Variants in RORA observed in about 807,000 individuals in gnomAD.
RORA encodes nuclear receptor ROR-alpha.
RORA carries 7 observed loss-of-function variants against 69.5 expected under a neutral mutation model. The observed-to-expected ratio is 0.10, with a 90% CI of 0.06 to 0.19. RORA has a LOEUF of 0.19. RORA is among the 10% of genes least tolerant of loss of function. RORA has a pLI of 1.00. For missense variants in RORA, 457 were observed against 663.0 expected (o/e 0.69, Z 3.41); for synonymous variants, 261 against 240.8 (o/e 1.08, Z -0.78).
chr15:60,657,341 AC>A (rs1371598919), intron 2 of RORA, among the ~76,000 whole-genome samples: 4 of 150,440 alleles, frequency 2.7e-5, no homozygotes, highest in Non-Finnish European at 4.4e-5. Context: ...CCCCTGCCCC[AC>A]CCCCTGGGGA....
chr15:61,071,523 GA>G (rs2078357767), intron 1 of RORA, among the ~76,000 whole-genome samples: 1 of 18,658 alleles, frequency 5.4e-5, no homozygotes, highest in Non-Finnish European at 1.0e-4. Flanking sequence ...GAAGGGAGGG[GA>G]GGGGGAAGCG....
intron 1 of RORA, among the ~76,000 whole-genome samples, chr15:60,927,380 G>A (rs1008314884): frequency 6.6e-6 from 1 of 152,216 alleles, no homozygotes; most frequent in African/African-American, 2.4e-5. Context: ...AGTAGCTGAT[G>A]AACATTCCAA....
chr15:61,053,983 A>G (rs935341860), intron 1 of RORA, among the ~76,000 whole-genome samples: 1 of 151,590 alleles, frequency 6.6e-6, no homozygotes, highest in African/African-American at 2.4e-5. Context: ...TTGAAAAAGG[A>G]ATCCTTTCAA....
At chr15:60,896,375 AC>A (rs1891231855) in intron 1 of RORA, among the ~76,000 whole-genome samples, 2 of 152,054 alleles carry the variant, frequency 1.3e-5, no homozygotes, top group Non-Finnish European at 1.5e-5. Context: ...CATTGATTTT[AC>A]CCCCCTTGGT....
intron 2 of RORA, among the ~76,000 whole-genome samples, chr15:60,625,278 T>C (rs1201554494): frequency 6.6e-6 from 1 of 152,196 alleles, no homozygotes; most frequent in Non-Finnish European, 1.5e-5. Context: ...CAAATCTTTT[T>C]TTTTGTTTTG....
At chr15:60,717,801 T>TC (rs1440466843) in intron 1 of RORA, among the ~76,000 whole-genome samples, 1 of 142,852 alleles carries the variant, frequency 7.0e-6, no homozygotes, top group African/African-American at 2.6e-5. Context: ...TTTCTCTTTT[T>TC]TTTTTTTTTT....
At chr15:60,692,637 A>C (rs374799841) in intron 1 of RORA, among the ~76,000 whole-genome samples, 1 of 152,240 alleles carries the variant, frequency 6.6e-6, no homozygotes, top group Non-Finnish European at 1.5e-5. Context: ...AGATAAAGCA[A>C]GTGTGACAAA....
chr15:60,964,378 A>G (rs1335463948), intron 1 of RORA, among the ~76,000 whole-genome samples: 2 of 152,166 alleles, frequency 1.3e-5, no homozygotes, highest in African/African-American at 2.4e-5. Flanking sequence ...GGATTCGGGT[A>G]TGGCTGGTGG....
In RORA at chr15:60,889,582, C is replaced by G. The variant is rs1595795435; in HGVS notation, c.167-210896G>C. ...GAGCGACAGTTGGAGAGAAGAGCAT[C>G]AGAGGCCTCGTGGTAAACCCAAATG... On this transcript the variant is annotated intron_variant, in intron 1 of 10. Coordinates refer to ENST00000335670, the MANE Select transcript of RORA (RefSeq NM_134261.3). 3.3e-5 allele frequency among the ~76,000 whole-genome samples: 5 copies of G among 152,322 alleles called. No homozygotes were observed. The South Asian group carries it at 1.0e-3, about 32-fold the overall frequency.
chr15:61,127,667 G>T (rs1432008992), intron 1 of RORA, among the ~76,000 whole-genome samples: 1 of 152,156 alleles, frequency 6.6e-6, no homozygotes, highest in Non-Finnish European at 1.5e-5. Context: ...TGTGCTGCTG[G>T]CATTTAAGTT....
At chr15:60,866,006 T>TCAAAGGG (rs11281937) in intron 1 of RORA, among the ~76,000 whole-genome samples, 54,881 of 151,892 alleles carry the variant, frequency 0.36, 10,161 homozygotes, top group South Asian at 0.39. Context: ...TATATAGTGA[T>TCAAAGGG]CAAAATGCAT....
At chr15:60,561,107 A>G (rs1595977652) in intron 2 of RORA, among the ~76,000 whole-genome samples, 1 of 125,058 alleles carries the variant, frequency 8.0e-6, no homozygotes, top group South Asian at 2.5e-4. Flanking sequence ...TTTGAGACGG[A>G]GTCTCGCTCT....
intron 1 of RORA, among the ~76,000 whole-genome samples, chr15:61,180,297 A>G (rs1165958861): frequency 6.6e-6 from 1 of 152,188 alleles, no homozygotes; most frequent in Non-Finnish European, 1.5e-5. Context: ...TCATTTATCC[A>G]TCCTATCACT....
chr15:60,633,133 C>T (rs1488187006), intron 2 of RORA, among the ~76,000 whole-genome samples: 1 of 152,190 alleles, frequency 6.6e-6, no homozygotes, highest in Non-Finnish European at 1.5e-5. Context: ...CTGGTGCTGG[C>T]TCTGAGATCT....
At chr15:60,873,741 AG>A (rs2073584217) in intron 1 of RORA, among the ~76,000 whole-genome samples, 1 of 152,218 alleles carries the variant, frequency 6.6e-6, no homozygotes, top group Admixed American at 6.5e-5. Context: ...ACCTCCAATT[AG>A]CTGTATTAGC....
intron 1 of RORA, among the ~76,000 whole-genome samples, chr15:61,040,115 TA>T (rs1566958204): frequency 5.1e-5 from 1 of 19,524 alleles, no homozygotes; most frequent in African/African-American, 1.9e-4. Flanking sequence ...CAAGCTTTGA[TA>T]TATATATATA....
At chr15:60,612,661 GTTTTT>G (rs71122864) in intron 2 of RORA, among the ~76,000 whole-genome samples, 2,232 of 107,128 alleles carry the variant, frequency 0.021, 22 homozygotes, top group South Asian at 0.05. Context: ...CTCTCTCTCT[GTTTTT>G]TTTTTTTTTT....
chr15:60,931,263 G>A (rs1323135146), intron 1 of RORA, among the ~76,000 whole-genome samples: 1 of 152,220 alleles, frequency 6.6e-6, no homozygotes, highest in Non-Finnish European at 1.5e-5. Context: ...TCACTGCCCA[G>A]AGGCACAAAG....
chr15:61,129,019 T>A (rs932045554), intron 1 of RORA, among the ~76,000 whole-genome samples: 1 of 152,216 alleles, frequency 6.6e-6, no homozygotes, highest in Non-Finnish European at 1.5e-5. Context: ...AAATAATTTT[T>A]AAAAATGAAT....
Sources: allele counts gnomAD v4.1 joint callset (sites outside exome capture counted in the v4.1 genomes callset), GRCh38; gene constraint gnomAD v4.1.1; transcripts MANE v1.5; gene names NCBI Gene and HGNC (gene_info 2026-07-23, HGNC 2026-07-21).